Variants in NDUFAF2 observed in about 807,000 individuals in gnomAD.
The protein encoded by NDUFAF2 is NADH:ubiquinone oxidoreductase complex assembly factor 2.
A neutral mutation model predicts 22.8 loss-of-function variants in NDUFAF2; 13 were observed. The observed-to-expected ratio is 0.57, with a 90% CI of 0.37 to 0.91. The LOEUF is 0.91. Among genes scored for constraint, NDUFAF2 ranks in the 40% least tolerant of loss-of-function variants. NDUFAF2 has a pLI of 0.01. For synonymous variants in NDUFAF2, 53 were observed against 64.2 expected (o/e 0.83, Z 0.84); for missense variants, 162 against 195.2 (o/e 0.83, Z 1.01).
intron 1 of NDUFAF2, among the ~76,000 whole-genome samples, chr5:61,001,850 C>G (rs1479681691): frequency 6.6e-6 from 1 of 152,072 alleles, no homozygotes; most frequent in Non-Finnish European, 1.5e-5. Context: ...GGCCCAATGC[C>G]AACAAATACT....
intron 1 of NDUFAF2, among the ~76,000 whole-genome samples, chr5:61,063,814 G>A (rs963493004): frequency 1.3e-5 from 2 of 151,920 alleles, no homozygotes; most frequent in Non-Finnish European, 2.9e-5. Context: ...GGCAAAAAGA[G>A]GAAGAAAAGA....
intron 1 of NDUFAF2, among the ~76,000 whole-genome samples, chr5:61,044,772 T>C (rs1751925802): frequency 6.6e-6 from 1 of 152,140 alleles, no homozygotes. Context: ...GCCTCTGGCA[T>C]TGTTCTTTTT....
chr5:60,986,543 T>G (rs986466727), intron 1 of NDUFAF2, among the ~76,000 whole-genome samples: 3 of 151,938 alleles, frequency 2.0e-5, no homozygotes, highest in Non-Finnish European at 4.4e-5. Context: ...ATGTCACAAC[T>G]AGAAAAACTA....
chr5:61,035,070 A>ATTT (rs34608613), intron 1 of NDUFAF2, among the ~76,000 whole-genome samples: 2 of 142,924 alleles, frequency 1.4e-5, no homozygotes, highest in African/African-American at 5.2e-5. Flanking sequence ...AAGATAGTGT[A>ATTT]TTTTTTTTTT....
rs559249400 is a variant in NDUFAF2 at position 61,079,110 on chromosome 5, G to A, written c.217+5896G>A. On this transcript the variant is annotated intron_variant, in intron 2 of 3. Coordinates refer to ENST00000296597, the MANE Select transcript of NDUFAF2 (RefSeq NM_174889.5). ...ATACTCATTAAAATAGAAGATTAAT[G>A]CCTCAGAAGAGAAATAAAAATTACT... 1.2e-4 allele frequency among the ~76,000 whole-genome samples: 19 copies of A among 152,184 alleles called. 1 individual carries two copies. In the South Asian group the frequency reaches 3.9e-3, roughly 32 times the overall value.
intron 1 of NDUFAF2, among the ~76,000 whole-genome samples, chr5:60,988,439 A>T (rs551536589): frequency 5.3e-5 from 8 of 152,354 alleles, no homozygotes; most frequent in Admixed American, 2.6e-4. Flanking sequence ...TTTAAAATTC[A>T]TATGGAACCA....
At chr5:61,053,559 A>T (rs1752050191) in intron 1 of NDUFAF2, among the ~76,000 whole-genome samples, 1 of 152,036 alleles carries the variant, frequency 6.6e-6, no homozygotes, top group Non-Finnish European at 1.5e-5. Context: ...TTCTAGGAAG[A>T]CTCTTCATTG....
chr5:61,047,867 G>T (rs946444135), intron 1 of NDUFAF2, among the ~76,000 whole-genome samples: 1 of 152,062 alleles, frequency 6.6e-6, no homozygotes, highest in Non-Finnish European at 1.5e-5. Context: ...TTATGCAAGG[G>T]TATATACTGT....
intron 3 of NDUFAF2, among the ~76,000 whole-genome samples, chr5:61,139,630 C>T (rs1286600893): frequency 6.6e-6 from 1 of 152,174 alleles, no homozygotes; most frequent in Non-Finnish European, 1.5e-5. Flanking sequence ...CTGTTGATAG[C>T]GACAGGAGGC....
At chr5:61,070,786 G>A (rs767574161) in intron 1 of NDUFAF2, among the ~76,000 whole-genome samples, 2 of 152,002 alleles carry the variant, frequency 1.3e-5, no homozygotes, top group African/African-American at 2.4e-5. Flanking sequence ...TACTGAGAAC[G>A]ATAGACCTGT....
chr5:61,023,307 T>C (rs531668713), intron 1 of NDUFAF2, among the ~76,000 whole-genome samples: 1 of 152,284 alleles, frequency 6.6e-6, no homozygotes, highest in South Asian at 2.1e-4. Context: ...ATTGTGGCTT[T>C]TCTGTCTTTG....
intron 1 of NDUFAF2, among the ~76,000 whole-genome samples, chr5:61,039,583 T>C (rs923706786): frequency 2.6e-5 from 4 of 152,194 alleles, no homozygotes; most frequent in Non-Finnish European, 1.5e-5. Flanking sequence ...AATGTATACT[T>C]AACTTCTGTT....
intron 3 of NDUFAF2, among the ~76,000 whole-genome samples, chr5:61,125,963 A>T (rs1753031155): frequency 6.6e-6 from 1 of 152,086 alleles, no homozygotes. Flanking sequence ...TTGTTAGCAT[A>T]GAAATTCAAT....
chr5:60,987,086 A>G lies in NDUFAF2; in HGVS notation c.127+41704A>G, dbSNP rs1178142683. On this transcript the variant is annotated intron_variant, in intron 1 of 3. Transcript: ENST00000296597. ...CCAAATAAACAAAATTAGAATTGAG[A>G]AAGAGAATGTTACCGCTGACCCCAC... Among the ~76,000 whole-genome samples the G allele has an allele frequency of 4.6e-5, 7 of 152,152 alleles. No homozygotes were observed. The South Asian group carries it at 1.2e-3, about 27-fold the overall frequency.
chr5:61,140,655 C>G lies in NDUFAF2; in HGVS notation c.259-12049C>G, dbSNP rs77695057. 8.4e-3 allele frequency among the ~76,000 whole-genome samples: 1,282 copies of G among 152,278 alleles called. 20 individuals carry two copies. Among genetic ancestry groups the G allele is most frequent in the African/African-American group, 0.03 (1,228 of 41,550 alleles). ...CTGCATTTTATCTGGAAATCTTGCT[C>G]TTCCTTCAGAGCCCAAAAATGTTTC... On this transcript the variant is annotated intron_variant, in intron 3 of 3. Transcript: ENST00000296597.
At position 61,107,935 on chromosome 5, in the gene NDUFAF2, C is replaced by T. The variant is rs1467810919; in HGVS notation, c.258+8903C>T. Among the ~76,000 whole-genome samples the T allele has an allele frequency of 4.0e-5, 6 of 149,404 alleles. No individual in the cohort carries two copies. The South Asian group carries it at 6.3e-4, about 16-fold the overall frequency. On this transcript the variant is annotated intron_variant, in intron 3 of 3. Transcript: ENST00000296597. The stretch of plus-strand genomic sequence containing the variant: ...TGCGGTGTTTGGTTTTTTGTTCTTG[C>T]GATAGTTTACTGAGAATGATGATTT...
chr5:61,136,041 A>ATATC (rs1561136719), intron 3 of NDUFAF2, among the ~76,000 whole-genome samples: 2 of 108,738 alleles, frequency 1.8e-5, no homozygotes, highest in Admixed American at 9.4e-5. Flanking sequence ...ATATATATAT[A>ATATC]TCTAGGGTGG....
chr5:61,022,629 T>G (rs753894721), intron 1 of NDUFAF2, among the ~76,000 whole-genome samples: 23 of 152,304 alleles, frequency 1.5e-4, no homozygotes, highest in Non-Finnish European at 2.4e-4. Context: ...GTTTTTGTTG[T>G]TGGTGGTGGT....
chr5:60,961,770 A>G lies in NDUFAF2; in HGVS notation c.127+16388A>G, dbSNP rs892965167. 1.1e-4 allele frequency among the ~76,000 whole-genome samples: 17 copies of G among 151,308 alleles called. No homozygotes were observed. In the South Asian group the frequency reaches 2.7e-3, roughly 24 times the overall value. ...AACAGAAGGAGACTCTGTCTCAAAA[A>G]AAAAAAAAAAAAAATTTACTATGTA... is the stretch of plus-strand genomic sequence containing the variant. On this transcript the variant is annotated intron_variant, in intron 1 of 3. Transcript: ENST00000296597.
Sources: allele counts gnomAD v4.1 joint callset (sites outside exome capture counted in the v4.1 genomes callset), GRCh38; gene constraint gnomAD v4.1.1; transcripts MANE v1.5; gene names NCBI Gene and HGNC (gene_info 2026-07-23, HGNC 2026-07-21).